Variants in CHP1 observed in about 807,000 individuals in gnomAD.
CHP1 encodes the protein calcineurin like EF-hand protein 1, also known as calcineurin B homologous protein 1.
A neutral mutation model predicts 27.4 loss-of-function variants in CHP1; 11 were observed. That is an observed-to-expected ratio of 0.40 (90% CI 0.25 to 0.67). CHP1 has a LOEUF of 0.67. Ranked by LOEUF, CHP1 falls within the 30% of genes least tolerant of loss-of-function variation. The pLI is 0.38. For missense variants in CHP1, 169 were observed against 251.3 expected, an observed-to-expected ratio of 0.67 and a Z score of 2.22; for synonymous variants, 89 against 87.4, an observed-to-expected ratio of 1.02 and a Z score of -0.10.
chr15:41,280,847 C>G lies in CHP1; in HGVS notation c.*1458C>G, dbSNP rs1321403703. 6.6e-6 allele frequency: 1 copy of G among 150,552 alleles called. No homozygotes were observed. Among genetic ancestry groups the G allele is most frequent in the African/African-American group, 2.5e-5 (1 of 40,806 alleles). 9.3% of individuals were successfully genotyped at this position (150,552 alleles called of 1,614,324 possible). On this transcript the variant is annotated 3_prime_UTR_variant, in exon 7 of 7. Coordinates refer to ENST00000334660, the MANE Select transcript of CHP1 (RefSeq NM_007236.5). ...TATTTAAAGATTGTTTCCTTAGTGT[C>G]TTGAAGTTTTGCACAAAATTCTTTT...
At chr15:41,260,329 C>A (rs2047426278) in intron 3 of CHP1, among the ~76,000 whole-genome samples, 1 of 150,988 alleles carries the variant, frequency 6.6e-6, no homozygotes, top group Non-Finnish European at 1.5e-5. Context: ...GCCTGTGGCA[C>A]AATGAAAAGA....
intron 2 of CHP1, among the ~76,000 whole-genome samples, chr15:41,244,186 A>G (rs2047321696): frequency 7.2e-6 from 1 of 139,384 alleles, no homozygotes; most frequent in African/African-American, 2.9e-5. Flanking sequence ...CAACAGAGCA[A>G]GACTCCATCT....
rs200745775 is a variant in CHP1 at position 41,278,763 on chromosome 15, C to T, written c.412-4C>T. ...CTTGTAATTCCTGGCTCTTGGTCTT[C>T]CAGGTGCTACGCATGATGGTCGGAG... On this transcript the variant is annotated splice_region_variant and splice_polypyrimidine_tract_variant and intron_variant, in intron 5 of 6. Coordinates refer to ENST00000334660, the MANE Select transcript of CHP1 (RefSeq NM_007236.5). The T allele has an allele frequency of 4.2e-3, 6,760 of 1,614,038 alleles. 20 individuals carry two copies. Among genetic ancestry groups the T allele is most frequent in the Non-Finnish European group, 5.2e-3 (6,078 of 1,179,936 alleles).
At chr15:41,255,254 CCT>C (rs1428798873) in intron 2 of CHP1, among the ~76,000 whole-genome samples, 1 of 152,166 alleles carries the variant, frequency 6.6e-6, no homozygotes, top group Non-Finnish European at 1.5e-5. Context: ...CTGGAACAAT[CCT>C]CTGCTTTTCT....
chr15:41,271,961 A>G (rs1265518333), intron 5 of CHP1, among the ~76,000 whole-genome samples: 1 of 152,184 alleles, frequency 6.6e-6, no homozygotes, highest in Non-Finnish European at 1.5e-5. Flanking sequence ...ATCTGACCTC[A>G]GGTTATCCAC....
At chr15:41,269,156 T>C (rs577189808) in intron 4 of CHP1, among the ~76,000 whole-genome samples, 1 of 151,986 alleles carries the variant, frequency 6.6e-6, no homozygotes, top group East Asian at 1.9e-4. Flanking sequence ...TGAGTCATGA[T>C]TGTGCTACTG....
chr15:41,239,585 A>G (rs888454707), intron 1 of CHP1, among the ~76,000 whole-genome samples: 4 of 151,382 alleles, frequency 2.6e-5, no homozygotes, highest in African/African-American at 9.7e-5. Context: ...TAGTAGAGAC[A>G]GGGTTTTACC....
At chr15:41,243,008 C>G (rs77699495) in intron 1 of CHP1, among the ~76,000 whole-genome samples, 16,031 of 151,986 alleles carry the variant, frequency 0.11, 1,182 homozygotes, top group East Asian at 0.21. Context: ...GCCTCTAAGT[C>G]AGGGCATTGA....
At chr15:41,239,206 C>G (rs1445893410) in intron 1 of CHP1, among the ~76,000 whole-genome samples, 4 of 151,918 alleles carry the variant, frequency 2.6e-5, no homozygotes, top group Admixed American at 2.6e-4. Context: ...AAAATTTGTT[C>G]TAAAATTTTG....
intron 4 of CHP1, chr15:41,264,262 G>A (rs2047449412): frequency 2.4e-6 from 3 of 1,232,202 alleles, no homozygotes; most frequent in Non-Finnish European, 3.2e-6. Context: ...ACTTTGATAA[G>A]TCAGTTCAGG....
chr15:41,259,556 T>G (rs2047421075), intron 3 of CHP1, among the ~76,000 whole-genome samples: 1 of 150,660 alleles, frequency 6.6e-6, no homozygotes, highest in South Asian at 2.1e-4. Flanking sequence ...AGAATGAGAT[T>G]TGAAAGTGGA....
chr15:41,267,731 A>G (rs903793336), intron 4 of CHP1, among the ~76,000 whole-genome samples: 5 of 151,584 alleles, frequency 3.3e-5, no homozygotes, highest in African/African-American at 7.3e-5. Flanking sequence ...AGCCTGGGCA[A>G]CAGAGCCTGG....
intron 1 of CHP1, among the ~76,000 whole-genome samples, chr15:41,233,367 T>C (rs2047262013): frequency 6.6e-6 from 1 of 152,186 alleles, no homozygotes; most frequent in Non-Finnish European, 1.5e-5. Flanking sequence ...GGAGCAGTAA[T>C]CCCATTCTGG....
intron 2 of CHP1, among the ~76,000 whole-genome samples, chr15:41,252,568 T>C (rs976464441): frequency 3.1e-4 from 47 of 152,188 alleles, no homozygotes; most frequent in African/African-American, 1.1e-3. Context: ...AGCAACAACC[T>C]GTGGGTGCTT....
At chr15:41,265,521 C>T (rs2140938613) in intron 4 of CHP1, among the ~76,000 whole-genome samples, 1 of 151,196 alleles carries the variant, frequency 6.6e-6, no homozygotes, top group South Asian at 2.1e-4. Context: ...ACCAGCCTGG[C>T]CAACATGGTG....
At chr15:41,249,897 GC>G (rs1240123479) in intron 2 of CHP1, among the ~76,000 whole-genome samples, 1 of 147,860 alleles carries the variant, frequency 6.8e-6, no homozygotes, top group Non-Finnish European at 1.5e-5. Context: ...GCCAAATTCT[GC>G]AGAGTGAGAG....
At chr15:41,273,992 G>A (rs755489294) in intron 5 of CHP1, among the ~76,000 whole-genome samples, 8 of 151,424 alleles carry the variant, frequency 5.3e-5, no homozygotes, top group Admixed American at 2.0e-4. Flanking sequence ...ACGGAGTCTC[G>A]CTCTGTCGCT....
rs2047539145 is a variant in CHP1 at position 41,280,339 on chromosome 15, C to T, written c.*950C>T. Reference sequence around the variant, plus strand: ...CTGACAATATGCCTAGGGACTTTCTCATGGCTTTTATTTAATAAGGAGGCT... The same window carrying T: ...CTGACAATATGCCTAGGGACTTTCTTATGGCTTTTATTTAATAAGGAGGCT... On this transcript the variant is annotated 3_prime_UTR_variant, in exon 7 of 7. Transcript: ENST00000334660. 1 of 152,548 alleles carries T rather than the reference C, an allele frequency of 6.6e-6. No homozygotes were observed. The highest frequency in any genetic ancestry group is 1.5e-5 in the Non-Finnish European group (1 of 68,078). 9.4% of individuals were successfully genotyped at this position (152,548 alleles called of 1,614,324 possible). A position where few individuals can be genotyped will look rare whatever the true frequency, so the allele number is the denominator to read the frequency against.
rs182634273 is a variant in CHP1 at position 41,253,749 on chromosome 15, C to T, written c.141-3161C>T. Among the ~76,000 whole-genome samples the T allele has an allele frequency of 1.5e-3, 226 of 151,780 alleles. 1 individual carries two copies. Among genetic ancestry groups the T allele is most frequent in the African/African-American group, 4.8e-3 (198 of 41,402 alleles). ...GATTACAGGTGTGAGCCACTGCGCC[C>T]GGCTGACAAATTATTTTTTATACTC... is the stretch of plus-strand genomic sequence containing the variant. On this transcript the variant is annotated intron_variant, in intron 2 of 6. Coordinates refer to ENST00000334660, the MANE Select transcript of CHP1 (RefSeq NM_007236.5).
Sources: allele counts gnomAD v4.1 joint callset (sites outside exome capture counted in the v4.1 genomes callset), GRCh38; gene constraint gnomAD v4.1.1; transcripts MANE v1.5; gene names NCBI Gene and HGNC (gene_info 2026-07-23, HGNC 2026-07-21).